CSMD1: variants seen among roughly 807,000 people sequenced by gnomAD.
The protein encoded by CSMD1 is CUB and sushi domain-containing protein 1.
Under a neutral mutation model 417.5 loss-of-function variants are expected in CSMD1, and 213 were observed. The observed-to-expected ratio is 0.51, with a 90% confidence interval of 0.46 to 0.57. The LOEUF is 0.57. CSMD1 is among the 20% of genes least tolerant of loss of function. The pLI, the probability that CSMD1 is intolerant of heterozygous loss-of-function variation, is 0.00. For missense variants in CSMD1, 6,923 were observed against 4,529.7 expected (o/e 1.53, Z -15.17); for synonymous variants, 2,862 against 1,736.8 (o/e 1.65, Z -16.11).
intron 3 of CSMD1, among the ~76,000 whole-genome samples, chr8:4,091,450 G>T (rs927235533): frequency 6.6e-6 from 1 of 152,062 alleles, no homozygotes; most frequent in African/African-American, 2.4e-5. Context: ...TTTGCTCCAC[G>T]TCAGAAAAAC....
chr8:4,988,346 C>T (rs904054412), intron 1 of CSMD1, among the ~76,000 whole-genome samples: 1 of 152,172 alleles, frequency 6.6e-6, no homozygotes, highest in Non-Finnish European at 1.5e-5. Context: ...ATATTCCTTT[C>T]CCTTTTATAA....
intron 2 of CSMD1, among the ~76,000 whole-genome samples, chr8:4,498,493 A>C (rs975204787): frequency 1.3e-5 from 2 of 152,136 alleles, no homozygotes; most frequent in Non-Finnish European, 2.9e-5. Context: ...TTAATTTTAA[A>C]ATTGATTTAA....
At chr8:3,456,722 G>A (rs1303726658) in intron 12 of CSMD1, among the ~76,000 whole-genome samples, 1 of 152,034 alleles carries the variant, frequency 6.6e-6, no homozygotes, top group Non-Finnish European at 1.5e-5. Flanking sequence ...CGAAATATTT[G>A]GAGCTGTTGA....
chr8:4,237,357 A>T (rs1158461820), intron 3 of CSMD1, among the ~76,000 whole-genome samples: 5 of 152,034 alleles, frequency 3.3e-5, no homozygotes, highest in African/African-American at 1.2e-4. Flanking sequence ...AGAAAACATT[A>T]TTTCTGAGAC....
intron 12 of CSMD1, among the ~76,000 whole-genome samples, chr8:3,414,779 C>T (rs893301630): frequency 6.6e-6 from 1 of 152,174 alleles, no homozygotes; most frequent in South Asian, 2.1e-4. Context: ...GGTGTCTCCC[C>T]TCTTCAGCCT....
At chr8:3,441,779 T>A (rs1814998723) in intron 12 of CSMD1, among the ~76,000 whole-genome samples, 1 of 152,074 alleles carries the variant, frequency 6.6e-6, no homozygotes, top group Non-Finnish European at 1.5e-5. Flanking sequence ...GACTATGACA[T>A]TGCTTTATAT....
intron 49 of CSMD1, among the ~76,000 whole-genome samples, chr8:3,056,305 G>C (rs6558704): frequency 0.98 from 149,680 of 152,344 alleles, 73,600 homozygotes; most frequent in Middle Eastern, 1. Context: ...TTCTTCTTTG[G>C]ATATCTAAGA....
chr8:4,471,369 G>A (rs1042219394), intron 2 of CSMD1, among the ~76,000 whole-genome samples: 5 of 152,148 alleles, frequency 3.3e-5, no homozygotes, highest in Admixed American at 3.3e-4. Flanking sequence ...CATTGGGTTA[G>A]ACTATTTCTA....
At chr8:4,551,298 AC>A (rs1797859664) in intron 2 of CSMD1, among the ~76,000 whole-genome samples, 1 of 151,876 alleles carries the variant, frequency 6.6e-6, no homozygotes, top group Admixed American at 6.6e-5. Context: ...TGTATGTGAA[AC>A]CCAATCTCTT....
intron 3 of CSMD1, among the ~76,000 whole-genome samples, chr8:4,258,745 C>G (rs562245981): frequency 8.0e-4 from 121 of 152,150 alleles, no homozygotes; most frequent in African/African-American, 2.7e-3. Context: ...TATGAGGACA[C>G]AGACATTTAG....
chr8:4,080,129 G>A (rs909928579), intron 3 of CSMD1, among the ~76,000 whole-genome samples: 1 of 151,570 alleles, frequency 6.6e-6, no homozygotes, highest in African/African-American at 2.4e-5. Flanking sequence ...CACCCCCATA[G>A]GTACACCTGC....
chr8:4,112,111 C>T (rs186681587), intron 3 of CSMD1, among the ~76,000 whole-genome samples: 9 of 152,232 alleles, frequency 5.9e-5, no homozygotes, highest in Admixed American at 5.9e-4. Context: ...CCACATTAGC[C>T]CACAAGATCA....
chr8:3,859,742 C>A (rs1310350443), intron 5 of CSMD1, among the ~76,000 whole-genome samples: 1 of 152,152 alleles, frequency 6.6e-6, no homozygotes, highest in Non-Finnish European at 1.5e-5. Flanking sequence ...CCCGGGCAGT[C>A]TTCCCTGGCT....
At chr8:4,528,026 C>T (rs1351535306) in intron 2 of CSMD1, among the ~76,000 whole-genome samples, 1 of 152,160 alleles carries the variant, frequency 6.6e-6, no homozygotes, top group Non-Finnish European at 1.5e-5. Context: ...CATGTCAGTG[C>T]TTTGGAAAAC....
At chr8:4,494,204 T>C (rs1308465966) in intron 2 of CSMD1, among the ~76,000 whole-genome samples, 1 of 152,176 alleles carries the variant, frequency 6.6e-6, no homozygotes, top group Non-Finnish European at 1.5e-5. Flanking sequence ...AGAAACCAGC[T>C]CTATCTTCCT....
chr8:4,545,466 A>G (rs1391479921), intron 2 of CSMD1, among the ~76,000 whole-genome samples: 3 of 152,182 alleles, frequency 2.0e-5, no homozygotes, highest in Non-Finnish European at 2.9e-5. Flanking sequence ...GGGCTCGTTT[A>G]CCTACTTTTC....
chr8:3,787,779 G>A (rs17067544), intron 5 of CSMD1, among the ~76,000 whole-genome samples: 3 of 152,184 alleles, frequency 2.0e-5, no homozygotes, highest in African/African-American at 7.2e-5. Flanking sequence ...ATACAAGCTA[G>A]GAACTGGCAC....
chr8:4,117,021 T>A lies in CSMD1; in HGVS notation c.416-84922A>T, dbSNP rs999047602. On this transcript the variant is annotated intron_variant, in intron 3 of 69. Coordinates refer to ENST00000635120, the MANE Select transcript of CSMD1 (RefSeq NM_033225.6). ...AAGATGGCCTGACGCTTAACCTTTTTTTTTCTTTTCGCAGTTTGGAAACTG... is the reference window on the plus strand; with the variant it reads ...AAGATGGCCTGACGCTTAACCTTTTATTTTCTTTTCGCAGTTTGGAAACTG... Among the ~76,000 whole-genome samples the A allele has an allele frequency of 2.0e-5, 3 of 151,978 alleles. 1 individual carries two copies. The Admixed American group carries it at 2.0e-4, about 10-fold the overall frequency.
chr8:3,812,086 G>A lies in CSMD1; in HGVS notation c.819-58044C>T, dbSNP rs1054358867. On this transcript the variant is annotated intron_variant, in intron 5 of 69. Coordinates refer to ENST00000635120, the MANE Select transcript of CSMD1 (RefSeq NM_033225.6). ...CGATTTCATCAGTCACTGGGGTAAT[G>A]AATAAAAAGCTACACAATAATTTCC... Among the ~76,000 whole-genome samples the A allele has an allele frequency of 4.6e-5, 7 of 152,126 alleles. No homozygotes were observed. In the South Asian group the frequency reaches 8.3e-4, roughly 18 times the overall value.
Sources: gnomAD v4.1 joint callset for allele counts (sites outside exome capture counted in the v4.1 genomes callset) on GRCh38, gnomAD v4.1.1 for gene constraint, MANE v1.5 for transcripts, NCBI Gene and HGNC (gene_info 2026-07-23, HGNC 2026-07-21) for gene names.